The following ANGPT2 variants were observed in gnomAD, a reference collection of about 807,000 sequenced individuals.
The protein encoded by ANGPT2 is angiopoietin-2.
Under a neutral mutation model 62.9 loss-of-function variants are expected in ANGPT2, and 28 were observed. The ratio of observed to expected loss-of-function variants is 0.44; its 90% CI spans 0.33 to 0.61. The LOEUF is 0.61. ANGPT2 is among the 20% of genes least tolerant of loss of function. ANGPT2 has a pLI of 0.03. For synonymous variants in ANGPT2, 284 were observed against 207.8 expected (o/e 1.37, Z -3.15); for missense variants, 727 against 594.9 (o/e 1.22, Z -2.31).
rs752640178 is a variant in ANGPT2 at position 6,562,954 on chromosome 8, C to T, written c.-20G>A. 12 of 1,562,224 alleles carry T rather than the reference C, an allele frequency of 7.7e-6. No individual in the cohort carries two copies. Among genetic ancestry groups the T allele is most frequent in the Non-Finnish European group, 1.0e-5 (12 of 1,145,578 alleles). ...CCACATTCTTTCTTCAGTAATAAAC[C>T]AGCAGCTTAGCAAACTTGAGGGCAA... On this transcript the variant is annotated 5_prime_UTR_variant, in exon 1 of 9. Transcript: ENST00000629816.
intron 8 of ANGPT2, 56 bp downstream of exon 8, chr8:6,508,876 C>CGGAAA (rs770728126): frequency 8.1e-6 from 13 of 1,612,144 alleles, no homozygotes; most frequent in Non-Finnish European, 1.0e-5. Context: ...CCAGCCTTTC[C>CGGAAA]CTCTATGAAA....
rs1342654654 is a variant in ANGPT2, at chr8:6,514,657, G to A, written c.1029+20C>T. 10 of 1,597,110 alleles carry A rather than the reference G, an allele frequency of 6.3e-6. No homozygotes were observed. The highest frequency in any genetic ancestry group is 1.3e-5 in the African/African-American group (1 of 74,548). On this transcript the variant is annotated intron_variant, in intron 6 of 8. Coordinates refer to ENST00000629816, the MANE Select transcript of ANGPT2 (RefSeq NM_001118887.2). Reference sequence around the variant, plus strand: ...TTCACAAGGGAAATTCTTTTCTGATGCCTTAAAGAATGTCCTTACCACTTT... The same window carrying A: ...TTCACAAGGGAAATTCTTTTCTGATACCTTAAAGAATGTCCTTACCACTTT...
chr8:6,556,372 C>T (rs1824608588), intron 1 of ANGPT2, among the ~76,000 whole-genome samples: 1 of 152,112 alleles, frequency 6.6e-6, no homozygotes, highest in Non-Finnish European at 1.5e-5. Context: ...ATAGGAATAG[C>T]AACCATTGAG....
intron 8 of ANGPT2, among the ~76,000 whole-genome samples, chr8:6,503,562 C>G (rs1469120239): frequency 6.6e-6 from 1 of 152,214 alleles, no homozygotes; most frequent in Non-Finnish European, 1.5e-5. Context: ...TGTGTACACA[C>G]TTACAGCAGG....
chr8:6,526,078 A>G (rs2515462), intron 3 of ANGPT2, among the ~76,000 whole-genome samples: 101,157 of 151,562 alleles, frequency 0.67, 34,231 homozygotes, highest in East Asian at 0.94. Flanking sequence ...CATGTGTTCC[A>G]GGAATCACTG....
chr8:6,508,719 G>T (rs1814300786), intron 8 of ANGPT2: 3 of 662,588 alleles, frequency 4.5e-6, no homozygotes, highest in Non-Finnish European at 7.7e-6. Flanking sequence ...GACACAGTTG[G>T]CTTGCTGACA....
intron 8 of ANGPT2, among the ~76,000 whole-genome samples, chr8:6,503,491 T>A (rs1166449108): frequency 6.6e-6 from 1 of 152,218 alleles, no homozygotes; most frequent in Non-Finnish European, 1.5e-5. Context: ...TCTTCCACCT[T>A]TTCCCTTGTG....
At chr8:6,513,919 A>T (rs982243840) in intron 6 of ANGPT2, 75 bp from the exon 7 acceptor site, 19 of 1,343,824 alleles carry the variant, frequency 1.4e-5, no homozygotes, top group South Asian at 3.0e-5. Context: ...TAGTCCGTCA[A>T]CTTAACATAG....
chr8:6,534,513 C>T (rs1188080329), intron 1 of ANGPT2, among the ~76,000 whole-genome samples: 1 of 152,086 alleles, frequency 6.6e-6, no homozygotes, highest in East Asian at 1.9e-4. Context: ...AAGCCATCCA[C>T]CCGCCTCAGC....
chr8:6,557,971 C>G (rs73507189), intron 1 of ANGPT2, among the ~76,000 whole-genome samples: 72 of 152,134 alleles, frequency 4.7e-4, no homozygotes, highest in African/African-American at 1.7e-3. Flanking sequence ...CGTCCTCCCC[C>G]TCTTCCTCAT....
chr8:6,559,953 C>A (rs1433796904), intron 1 of ANGPT2, among the ~76,000 whole-genome samples: 1 of 152,226 alleles, frequency 6.6e-6, no homozygotes, highest in Non-Finnish European at 1.5e-5. Context: ...AGAAGCCTGA[C>A]ACTTCCTTTG....
chr8:6,530,640 A>C (rs990832206), intron 2 of ANGPT2, among the ~76,000 whole-genome samples: 1 of 151,992 alleles, frequency 6.6e-6, no homozygotes, highest in Non-Finnish European at 1.5e-5. Context: ...CCTAAGATTT[A>C]AATTTTTAGT....
chr8:6,509,463 C>G (rs901821942), intron 7 of ANGPT2, among the ~76,000 whole-genome samples: 1 of 152,168 alleles, frequency 6.6e-6, no homozygotes, highest in Admixed American at 6.5e-5. Flanking sequence ...TTATTTTCCG[C>G]AGGGGGCCCC....
chr8:6,511,982 T>G lies in ANGPT2; in HGVS notation c.1196+1696A>C, dbSNP rs142723029. 4.6e-3 allele frequency among the ~76,000 whole-genome samples: 704 copies of G among 152,008 alleles called. 5 individuals are homozygous for G. The highest frequency in any genetic ancestry group is 0.016 in the African/African-American group (675 of 41,444). ...AATATTTAACTTGGAGGTAAAACAC[T>G]GACCAACCACTTGTGTCTCAAAATT... On this transcript the variant is annotated intron_variant, in intron 7 of 8. Coordinates refer to ENST00000629816, the MANE Select transcript of ANGPT2 (RefSeq NM_001118887.2).
chr8:6,520,264 T>G (rs564436688), intron 4 of ANGPT2, among the ~76,000 whole-genome samples: 2 of 152,254 alleles, frequency 1.3e-5, no homozygotes, highest in Non-Finnish European at 2.9e-5. Context: ...ATCAATTACA[T>G]GTAATGAAAG....
chr8:6,551,521 G>A (rs1388091281), intron 1 of ANGPT2, among the ~76,000 whole-genome samples: 2 of 152,174 alleles, frequency 1.3e-5, no homozygotes, highest in East Asian at 3.8e-4. Context: ...AAAATCACCA[G>A]TTGTTGTTTG....
chr8:6,510,057 T>G (rs927162642), intron 7 of ANGPT2, among the ~76,000 whole-genome samples: 5 of 152,162 alleles, frequency 3.3e-5, no homozygotes, highest in Admixed American at 6.5e-5. Context: ...GTTGAACCAT[T>G]GTAAGCTGAA....
chr8:6,505,019 G>A (rs1259162045), intron 8 of ANGPT2, among the ~76,000 whole-genome samples: 1 of 151,494 alleles, frequency 6.6e-6, no homozygotes, highest in Non-Finnish European at 1.5e-5. Context: ...TTTTAAAATA[G>A]AGAAAATAAT....
At chr8:6,538,041 C>T (rs944927406) in intron 1 of ANGPT2, among the ~76,000 whole-genome samples, 2 of 152,130 alleles carry the variant, frequency 1.3e-5, no homozygotes, top group African/African-American at 4.8e-5. Context: ...TCCTTGGAAA[C>T]TTTTTACTGT....
Sources: gnomAD v4.1 joint callset for allele counts (sites outside exome capture counted in the v4.1 genomes callset) on GRCh38, gnomAD v4.1.1 for gene constraint, MANE v1.5 for transcripts, NCBI Gene and HGNC (gene_info 2026-07-23, HGNC 2026-07-21) for gene names.